The following FAM167A variants were observed in gnomAD, a reference collection of about 807,000 sequenced individuals.
FAM167A encodes protein FAM167A.
A neutral mutation model predicts 14.9 loss-of-function variants in FAM167A; 23 were observed. The observed-to-expected ratio is 1.55, with a 90% CI of 1.11 to 2.19. The LOEUF is 2.19. Among genes scored for constraint, FAM167A ranks in the 30% most tolerant of loss-of-function variants. FAM167A has a pLI of 0.00. For synonymous variants in FAM167A, 174 were observed against 117.7 expected, an observed-to-expected ratio of 1.48 and a Z score of -3.10; for missense variants, 401 against 281.5, an observed-to-expected ratio of 1.42 and a Z score of -3.04.
chr8:11,439,225 T>C (rs1403239236), intron 2 of FAM167A, among the ~76,000 whole-genome samples: 2 of 152,244 alleles, frequency 1.3e-5, no homozygotes, highest in South Asian at 4.1e-4. Flanking sequence ...GAATAGCAAA[T>C]ACTTCCAAGC....
chr8:11,468,098 C>T (rs1196781682), upstream of FAM167A, among the ~76,000 whole-genome samples: 1 of 152,224 alleles, frequency 6.6e-6, no homozygotes, highest in Non-Finnish European at 1.5e-5. Flanking sequence ...ACGCAGTCTC[C>T]ATACTGATCT....
At chr8:11,438,784 G>C (rs145252717) in intron 2 of FAM167A, 6 of 332,892 alleles carry the variant, frequency 1.8e-5, no homozygotes, top group South Asian at 1.5e-4. Flanking sequence ...AAAGCACCGG[G>C]CTATGCAGAG....
In FAM167A at chr8:11,424,206, C is replaced by T. The variant is rs1379212729; in HGVS notation, c.*167G>A. On this transcript the variant is annotated 3_prime_UTR_variant, in exon 3 of 3. Transcript: ENST00000284486. ...AGACACTGGCATCCACACCCAGGGC[C>T]CCTGGGTGGGAGAGCACCACTGAAT... The T allele has an allele frequency of 2.5e-6, 2 of 785,560 alleles. No individual in the cohort carries two copies. The highest frequency in any genetic ancestry group is 2.9e-5 in the Admixed American group (1 of 34,438). The allele number at this position is 785,560 out of a possible 1,614,324, so 48.7% of individuals were successfully genotyped here.
At chr8:11,449,493 C>T (rs377064595) in intron 1 of FAM167A, among the ~76,000 whole-genome samples, 1 of 152,202 alleles carries the variant, frequency 6.6e-6, no homozygotes, top group African/African-American at 2.4e-5. Flanking sequence ...CCCCAACACT[C>T]TAAACAAACG....
chr8:11,424,979 G>A (rs1443565668), intron 2 of FAM167A, among the ~76,000 whole-genome samples: 2 of 152,206 alleles, frequency 1.3e-5, no homozygotes, highest in Non-Finnish European at 2.9e-5. Flanking sequence ...TAGGGTAACA[G>A]CTATCAAATT....
intron 1 of FAM167A, among the ~76,000 whole-genome samples, chr8:11,456,822 G>A (rs1469381311): frequency 2.7e-5 from 4 of 148,220 alleles, no homozygotes; most frequent in Admixed American, 1.3e-4. Flanking sequence ...GGTTAGGGAC[G>A]TGGGTGGGGC....
At chr8:11,448,140 G>A (rs1806866597) in intron 1 of FAM167A, among the ~76,000 whole-genome samples, 1 of 151,604 alleles carries the variant, frequency 6.6e-6, no homozygotes, top group African/African-American at 2.4e-5. Context: ...GTTGCAGTGA[G>A]CCAAGATCGC....
rs983279122 is a variant in FAM167A, at chr8:11,422,009, G to A, written c.*2364C>T. ...CTGTCCCCCTCCACTTCTCATCTTG[G>A]GTCACCTCCTCATCCCATAATAAAG... On this transcript the variant is annotated 3_prime_UTR_variant, in exon 3 of 3. Transcript: ENST00000284486. The A allele has an allele frequency of 5.1e-6, 2 of 395,000 alleles. No homozygotes were observed. The highest frequency in any genetic ancestry group is 7.2e-5 in the East Asian group (2 of 27,898). 24.5% of individuals were successfully genotyped at this position (395,000 alleles called of 1,614,324 possible).
intron 1 of FAM167A, among the ~76,000 whole-genome samples, chr8:11,475,036 T>A (rs1427008314): frequency 6.6e-6 from 1 of 152,106 alleles, no homozygotes; most frequent in African/African-American, 2.4e-5. Context: ...CTGGACACTG[T>A]CAGAATAAAC....
At chr8:11,469,627 G>T (rs1027179247), upstream of FAM167A, among the ~76,000 whole-genome samples, 2 of 152,144 alleles carry the variant, frequency 1.3e-5, no homozygotes, top group African/African-American at 4.8e-5. Flanking sequence ...AGCAATTTGG[G>T]AGGCCGAGGC....
chr8:11,455,470 A>G (rs572068822), intron 1 of FAM167A, among the ~76,000 whole-genome samples: 13 of 69,752 alleles, frequency 1.9e-4, no homozygotes, highest in African/African-American at 7.1e-4. Flanking sequence ...GGTATGTGTG[A>G]GTGTGGGGAG....
At chr8:11,435,588 T>C (rs1193825932) in intron 2 of FAM167A, among the ~76,000 whole-genome samples, 2 of 152,178 alleles carry the variant, frequency 1.3e-5, no homozygotes. Context: ...CTCCCTCTGC[T>C]ACCCGGGCTG....
chr8:11,456,773 T>C (rs1305488661), intron 1 of FAM167A, among the ~76,000 whole-genome samples: 1 of 144,440 alleles, frequency 6.9e-6, no homozygotes, highest in Non-Finnish European at 1.5e-5. Flanking sequence ...GGTGCTGGAT[T>C]AGGGGAGTGC....
At chr8:11,424,754 A>C in intron 2 of FAM167A, 118 bp from the exon 3 acceptor site, 2 of 1,392,126 alleles carry the variant, frequency 1.4e-6, no homozygotes, top group Non-Finnish European at 1.9e-6. Context: ...CCATCTAGAA[A>C]TATTAGCACT....
chr8:11,430,295 A>G (rs570823191), intron 2 of FAM167A, among the ~76,000 whole-genome samples: 67 of 152,354 alleles, frequency 4.4e-4, no homozygotes, highest in African/African-American at 1.6e-3. Flanking sequence ...CACTGTGGTG[A>G]CAGGGTGTCC....
At chr8:11,457,229 C>G (rs1018832473) in intron 1 of FAM167A, among the ~76,000 whole-genome samples, 1 of 151,946 alleles carries the variant, frequency 6.6e-6, no homozygotes, top group African/African-American at 2.4e-5. Flanking sequence ...GGTAAGCATT[C>G]CCTCTGGCAC....
chr8:11,432,530 A>G (rs1487145489), intron 2 of FAM167A, among the ~76,000 whole-genome samples: 2 of 152,234 alleles, frequency 1.3e-5, no homozygotes, highest in Admixed American at 6.5e-5. Flanking sequence ...ACCATCTCAC[A>G]CCAGTTAGGA....
chr8:11,424,382 A>G lies in FAM167A; in HGVS notation c.636T>C (p.Ser212=), dbSNP rs1249723388. The G allele has an allele frequency of 4.3e-6, 7 of 1,613,840 alleles. No individual in the cohort carries two copies. The highest frequency in any genetic ancestry group is 1.3e-5 in the African/African-American group (1 of 74,842). The change falls in exon 3 of 3, where the codon TCT becomes TCC. Residue 212 remains serine (S), a synonymous_variant. Transcript: ENST00000284486. Reference sequence around the variant, plus strand: ...CCAGTCTGAGGGCTCCTCAGCAGAGAGAGAACCTCCGAGAGTTGATGTTCA... The same window carrying G: ...CCAGTCTGAGGGCTCCTCAGCAGAGGGAGAACCTCCGAGAGTTGATGTTCA... The part of the protein sequence containing the change: ...TKMNINSRRF[S]LC
At chr8:11,467,334 T>C (rs913527180), upstream of FAM167A, among the ~76,000 whole-genome samples, 1 of 152,264 alleles carries the variant, frequency 6.6e-6, no homozygotes, top group Non-Finnish European at 1.5e-5. Context: ...TGGCTGTCGT[T>C]AGATTCTAAG....
Sources: gnomAD v4.1 joint callset for allele counts (sites outside exome capture counted in the v4.1 genomes callset) on GRCh38, gnomAD v4.1.1 for gene constraint, MANE v1.5 for transcripts, NCBI Gene and HGNC (gene_info 2026-07-23, HGNC 2026-07-21) for gene names.